SLC27A6: variants seen among roughly 807,000 people sequenced by gnomAD.
The protein encoded by SLC27A6 is solute carrier family 27 member 6.
A neutral mutation model predicts 63.9 loss-of-function variants in SLC27A6; 74 were observed. The observed-to-expected ratio is 1.16, with a 90% CI of 0.96 to 1.40. The LOEUF is 1.40. Among genes scored for constraint, SLC27A6 ranks in the 40% most tolerant of loss-of-function variants. SLC27A6 has a pLI of 0.00. For missense variants in SLC27A6, 794 were observed against 732.9 expected, an observed-to-expected ratio of 1.08 and a Z score of -0.96; for synonymous variants, 287 against 260.8, an observed-to-expected ratio of 1.10 and a Z score of -0.97.
At chr5:129,000,692 G>T (rs761081466) in intron 4 of SLC27A6, among the ~76,000 whole-genome samples, 7 of 152,164 alleles carry the variant, frequency 4.6e-5, no homozygotes, top group Non-Finnish European at 7.4e-5. Flanking sequence ...GCTAGTAGTT[G>T]TAGCTCAGGT....
At chr5:129,001,472 T>A (rs1283031572) in intron 4 of SLC27A6, among the ~76,000 whole-genome samples, 1 of 152,164 alleles carries the variant, frequency 6.6e-6, no homozygotes, top group Non-Finnish European at 1.5e-5. Flanking sequence ...ATAAGGTGTG[T>A]TGGTGTGACA....
chr5:128,990,346 CTTGTGTGTTAA>C lies in SLC27A6; in HGVS notation c.852_862del (p.Cys285GlufsTer11), dbSNP rs1226490228. On this transcript the variant is annotated frameshift_variant, in exon 4 of 10. Coordinates refer to ENST00000262462, the MANE Select transcript of SLC27A6 (RefSeq NM_001017372.3). LOFTEE classifies it high-confidence loss of function. ...TTTTTGTCTTTTCTTATAGGTGCCA[CTTGTGTGTTAA>C]AGAAGAAATTTTCAGCAAGCCAGTT... The C allele has an allele frequency of 6.2e-7, 1 of 1,613,152 alleles. No homozygotes were observed. Among genetic ancestry groups the C allele is most frequent in the South Asian group, 1.1e-5 (1 of 90,716 alleles).
chr5:128,986,148 C>CA (rs1750777619), intron 2 of SLC27A6, among the ~76,000 whole-genome samples: 1 of 151,766 alleles, frequency 6.6e-6, no homozygotes, highest in South Asian at 2.1e-4. Context: ...CTCATATGTA[C>CA]AAAAAAATTA....
intron 4 of SLC27A6, among the ~76,000 whole-genome samples, chr5:129,011,139 T>G (rs1188112385): frequency 6.6e-6 from 1 of 152,192 alleles, no homozygotes; most frequent in South Asian, 2.1e-4. Flanking sequence ...TTTGGCAGAT[T>G]TATGTATTTA....
intron 3 of SLC27A6, 113 bp downstream of exon 3, chr5:128,988,871 AT>A: frequency 1.4e-6 from 1 of 708,460 alleles, no homozygotes; most frequent in Non-Finnish European, 2.3e-6. Flanking sequence ...TATGCATATT[AT>A]TTTATTATAA....
chr5:128,999,970 GA>G (rs1751280254), intron 4 of SLC27A6, among the ~76,000 whole-genome samples: 1 of 152,208 alleles, frequency 6.6e-6, no homozygotes, highest in African/African-American at 2.4e-5. Context: ...GAGAGCAGGG[GA>G]AAAGACTGGT....
chr5:129,025,240 A>G (rs1752197808), intron 6 of SLC27A6, among the ~76,000 whole-genome samples: 1 of 152,176 alleles, frequency 6.6e-6, no homozygotes. Context: ...ATGCCCAGAC[A>G]GGAAAGATAT....
chr5:128,967,034 T>C (rs201312767), intron 1 of SLC27A6, among the ~76,000 whole-genome samples: 3 of 152,204 alleles, frequency 2.0e-5, no homozygotes, highest in Non-Finnish European at 4.4e-5. Context: ...AGAAGAGATA[T>C]GTTTAAAGGA....
At chr5:128,986,131 G>A (rs1750777199) in intron 2 of SLC27A6, among the ~76,000 whole-genome samples, 1 of 152,086 alleles carries the variant, frequency 6.6e-6, no homozygotes, top group African/African-American at 2.4e-5. Context: ...AGGCAACACA[G>A]TGAGACCTCA....
intron 4 of SLC27A6, among the ~76,000 whole-genome samples, chr5:129,006,444 T>TAA (rs1412258999): frequency 1.6e-5 from 1 of 61,330 alleles, no homozygotes; most frequent in East Asian, 4.0e-4. Flanking sequence ...TATATATGCA[T>TAA]GAGTGTGTGT....
chr5:129,032,233 G>A (rs746249045), intron 9 of SLC27A6, among the ~76,000 whole-genome samples: 18 of 151,918 alleles, frequency 1.2e-4, no homozygotes, highest in Non-Finnish European at 2.6e-4. Context: ...AAGTATTTAG[G>A]TCTAACAAAT....
intron 4 of SLC27A6, among the ~76,000 whole-genome samples, chr5:129,011,481 G>T (rs571816944): frequency 6.6e-6 from 1 of 152,204 alleles, no homozygotes; most frequent in Non-Finnish European, 1.5e-5. Context: ...CACTTTGTCA[G>T]TCATTCAAGC....
At chr5:128,966,653 G>A in intron 1 of SLC27A6, 35 bp downstream of exon 1, 1 of 1,437,894 alleles carries the variant, frequency 7.0e-7, no homozygotes, top group Non-Finnish European at 9.1e-7. Context: ...TATACAGAAT[G>A]GCAGCCCACC....
At chr5:128,982,006 G>T (rs997180680) in intron 1 of SLC27A6, among the ~76,000 whole-genome samples, 2 of 151,870 alleles carry the variant, frequency 1.3e-5, no homozygotes, top group African/African-American at 4.8e-5. Flanking sequence ...TAGAGACAGG[G>T]TTTCACCATG....
chr5:129,006,621 C>A (rs1751549993), intron 4 of SLC27A6, among the ~76,000 whole-genome samples: 1 of 151,956 alleles, frequency 6.6e-6, no homozygotes, highest in African/African-American at 2.4e-5. Context: ...TAATTTGAAT[C>A]AAGAAAACCA....
At chr5:128,992,794 C>G (rs1420393551) in intron 4 of SLC27A6, among the ~76,000 whole-genome samples, 1 of 152,136 alleles carries the variant, frequency 6.6e-6, no homozygotes, top group African/African-American at 2.4e-5. Flanking sequence ...ATTAAGGTCA[C>G]CTTCAGTTGA....
At chr5:128,966,770 G>A in intron 1 of SLC27A6, 152 bp downstream of exon 1, 1 of 813,544 alleles carries the variant, frequency 1.2e-6, no homozygotes, top group South Asian at 4.7e-5. Context: ...TTCTATGCTG[G>A]TTTAACAACT....
intron 4 of SLC27A6, among the ~76,000 whole-genome samples, chr5:128,996,754 A>C (rs1751173999): frequency 6.7e-6 from 1 of 148,198 alleles, no homozygotes; most frequent in Admixed American, 6.9e-5. Context: ...TCTTTGTCAT[A>C]TCTAGATATG....
At chr5:128,969,593 T>C (rs2150125832) in intron 1 of SLC27A6, among the ~76,000 whole-genome samples, 1 of 152,330 alleles carries the variant, frequency 6.6e-6, no homozygotes, top group Admixed American at 6.5e-5. Context: ...AAGGAATGCT[T>C]GTGATTTTTG....
Sources: gnomAD v4.1 joint callset for allele counts (sites outside exome capture counted in the v4.1 genomes callset) on GRCh38, gnomAD v4.1.1 for gene constraint, MANE v1.5 for transcripts, NCBI Gene and HGNC (gene_info 2026-07-23, HGNC 2026-07-21) for gene names.